The following GRK3 variants were observed in gnomAD, a reference collection of about 807,000 sequenced individuals.
The protein encoded by GRK3 is G protein-coupled receptor kinase 3.
A neutral mutation model predicts 95.7 loss-of-function variants in GRK3; 54 were observed. The ratio of observed to expected loss-of-function variants is 0.56; its 90% CI spans 0.45 to 0.71. The LOEUF (loss-of-function observed/expected upper bound fraction) is 0.71, where lower values mean the gene tolerates loss of function less well. Among genes scored for constraint, GRK3 ranks in the 30% least tolerant of loss-of-function variants. The probability of loss-of-function intolerance (pLI) is 0.00; values close to 1 mark genes in which losing one functional copy is unlikely to be tolerated. For synonymous variants in GRK3, 281 were observed against 290.8 expected, an observed-to-expected ratio of 0.97 and a Z score of 0.34; for missense variants, 649 against 851.2, an observed-to-expected ratio of 0.76 and a Z score of 2.96.
At chr22:25,630,327 T>C (rs1053603989) in intron 2 of GRK3, among the ~76,000 whole-genome samples, 2 of 152,234 alleles carry the variant, frequency 1.3e-5, no homozygotes, top group African/African-American at 4.8e-5. Flanking sequence ...GAGAAGTCTC[T>C]GGGAAATGTA....
At chr22:25,647,500 G>A in intron 3 of GRK3, 1 of 1,420,750 alleles carries the variant, frequency 7.0e-7, no homozygotes, top group South Asian at 1.1e-5. Context: ...CTCATTCTCA[G>A]TGGTGCCAAG....
chr22:25,619,649 AGTT>A (rs1447370288), intron 2 of GRK3, among the ~76,000 whole-genome samples: 2 of 127,064 alleles, frequency 1.6e-5, no homozygotes, highest in African/African-American at 6.2e-5. Flanking sequence ...ATACCTGGCT[AGTT>A]TTTTTTTTTT....
chr22:25,721,939 T>C (rs1601552224), intron 20 of GRK3, among the ~76,000 whole-genome samples: 1 of 152,348 alleles, frequency 6.6e-6, no homozygotes, highest in East Asian at 1.9e-4. Context: ...CATGAATATA[T>C]ATTTAAAACA....
Position 25,714,429 on chromosome 22 carries a change from C to G in GRK3, c.1513C>G (p.Leu505Val). ...GIKLLDCDQE[L>V]YKNFPLVISE... Reference sequence around the variant, plus strand: ...TCAGCTACTTGATTGCGACCAAGAACTCTACAAGAACTTCCCTTTGGTCAT... The same window carrying G: ...TCAGCTACTTGATTGCGACCAAGAAGTCTACAAGAACTTCCCTTTGGTCAT... Residue 505 changes from leucine (L) to valine (V), a missense_variant, in exon 18 of 21, where the codon CTC becomes GTC. By Grantham distance (32) the Leu-to-Val change is conservative. Transcript: ENST00000324198. The G allele has an allele frequency of 6.2e-7, 1 of 1,608,016 alleles. No homozygotes were observed. The highest frequency in any genetic ancestry group is 8.5e-7 in the Non-Finnish European group (1 of 1,178,472).
At position 25,726,728 on chromosome 22, in the gene GRK3, A is replaced by G. The variant is rs2085477211; in HGVS notation, c.*4278A>G. 2 of 152,084 alleles carry G rather than the reference A, an allele frequency of 1.3e-5. No homozygotes were observed. Among genetic ancestry groups the G allele is most frequent in the African/African-American group, 4.8e-5 (2 of 41,398 alleles). 9.4% of individuals were successfully genotyped at this position (152,084 alleles called of 1,614,324 possible). A position where few individuals can be genotyped will look rare whatever the true frequency, so the allele number is the denominator to read the frequency against. On this transcript the variant is annotated 3_prime_UTR_variant, in exon 21 of 21. Transcript: ENST00000324198. ...TAACAGGAGAGTTTTCCTTATGATA[A>G]TTATTCTGAGACTTGGTCACTTTGT...
chr22:25,712,074 G>A lies in GRK3; in HGVS notation c.1491+911G>A, dbSNP rs968997320. 1.2e-4 allele frequency among the ~76,000 whole-genome samples: 18 copies of A among 152,252 alleles called. 1 individual carries two copies. Among genetic ancestry groups the A allele is most frequent in the African/African-American group, 3.6e-4 (15 of 41,470 alleles). On this transcript the variant is annotated intron_variant, in intron 17 of 20. Coordinates refer to ENST00000324198, the MANE Select transcript of GRK3 (RefSeq NM_005160.4). ...GGGAGGATTGTGGGGAAGGAGAGCA[G>A]CATGTACACGCCAAGTGCACCTGGG...
intron 1 of GRK3, among the ~76,000 whole-genome samples, chr22:25,592,726 GT>G (rs1283318424): frequency 6.6e-6 from 1 of 152,222 alleles, no homozygotes; most frequent in Non-Finnish European, 1.5e-5. Context: ...TGATGATGAG[GT>G]TTGGGGTATG....
At chr22:25,622,457 G>A (rs896679659) in intron 2 of GRK3, among the ~76,000 whole-genome samples, 2 of 152,174 alleles carry the variant, frequency 1.3e-5, no homozygotes, top group Non-Finnish European at 2.9e-5. Flanking sequence ...ATGTGATCAG[G>A]GGATCATGTG....
intron 1 of GRK3, among the ~76,000 whole-genome samples, chr22:25,570,418 C>T (rs1178256613): frequency 1.3e-5 from 2 of 152,184 alleles, no homozygotes; most frequent in Non-Finnish European, 1.5e-5. Flanking sequence ...CTGAGCTGTC[C>T]CCTCCCTTGA....
intron 2 of GRK3, among the ~76,000 whole-genome samples, chr22:25,627,287 G>A (rs1041348369): frequency 6.6e-6 from 1 of 152,154 alleles, no homozygotes; most frequent in Non-Finnish European, 1.5e-5. Context: ...GCAAGCAGAG[G>A]ATTATATAAC....
chr22:25,661,723 G>A (rs1221261685), intron 4 of GRK3, 46 bp downstream of exon 4: 1 of 1,223,498 alleles, frequency 8.2e-7, no homozygotes, highest in Non-Finnish European at 1.2e-6. Flanking sequence ...GATGAATAAG[G>A]GACCATGTTC....
At chr22:25,600,256 C>T (rs2084400551) in intron 1 of GRK3, among the ~76,000 whole-genome samples, 1 of 151,562 alleles carries the variant, frequency 6.6e-6, no homozygotes, top group Non-Finnish European at 1.5e-5. Flanking sequence ...AAATGATTCT[C>T]CTGCCTCAGC....
rs961283385 is a variant in GRK3 at position 25,627,769 on chromosome 22, A to G, written c.191-16823A>G. The stretch of plus-strand genomic sequence containing the variant: ...TATTGAACTAGGAAGAGATGTGTCC[A>G]TCCTTAACATCATGCAGGCTGTCTA... On this transcript the variant is annotated intron_variant, in intron 2 of 20. Transcript: ENST00000324198. 2.6e-5 allele frequency among the ~76,000 whole-genome samples: 4 copies of G among 152,340 alleles called. No homozygotes were observed. In the South Asian group the frequency reaches 6.2e-4, roughly 24 times the overall value.
At chr22:25,613,909 C>CTT (rs879804686) in intron 2 of GRK3, among the ~76,000 whole-genome samples, 3,108 of 142,068 alleles carry the variant, frequency 0.022, 49 homozygotes, top group South Asian at 0.062. Flanking sequence ...TGGTTGTCTT[C>CTT]TTTTTTTTTT....
At chr22:25,697,562 C>T (rs957957918) in intron 13 of GRK3, among the ~76,000 whole-genome samples, 6 of 152,242 alleles carry the variant, frequency 3.9e-5, no homozygotes, top group East Asian at 1.9e-4. Context: ...TGATGGCCTC[C>T]GTGGGAAGAC....
intron 17 of GRK3, among the ~76,000 whole-genome samples, chr22:25,711,783 C>T (rs2085345778): frequency 6.6e-6 from 1 of 152,146 alleles, no homozygotes. Context: ...TTGCCCCAGG[C>T]TCTACCCCCT....
At chr22:25,688,235 CAAAAAAAA>C (rs35383882) in intron 11 of GRK3, among the ~76,000 whole-genome samples, 1 of 63,490 alleles carries the variant, frequency 1.6e-5, no homozygotes, top group South Asian at 5.7e-4. Context: ...GACTCTGTCT[CAAAAAAAA>C]AAAAAAAAAA....
chr22:25,610,494 A>G (rs1203749929), intron 2 of GRK3, among the ~76,000 whole-genome samples: 1 of 152,162 alleles, frequency 6.6e-6, no homozygotes, highest in Admixed American at 6.5e-5. Context: ...ATGCAAAACT[A>G]CTATATACCA....
At chr22:25,686,551 G>A (rs2085116169) in intron 10 of GRK3, among the ~76,000 whole-genome samples, 1 of 152,182 alleles carries the variant, frequency 6.6e-6, no homozygotes, top group Non-Finnish European at 1.5e-5. Context: ...GAAAGCAAGG[G>A]TAATAAAGTT....
Sources: gnomAD v4.1 joint callset for allele counts (sites outside exome capture counted in the v4.1 genomes callset) on GRCh38, gnomAD v4.1.1 for gene constraint, MANE v1.5 for transcripts, NCBI Gene and HGNC (gene_info 2026-07-23, HGNC 2026-07-21) for gene names.